The following SAMMSON variants were observed in gnomAD, a reference collection of about 807,000 sequenced individuals.
SAMMSON encodes survival associated mitochondrial melanoma specific oncogenic non-coding RNA, also known as long intergenic non-protein coding RNA 1212.
At chr3:70,411,966 A>G (rs1038462972) in intron 2 of SAMMSON, among the ~76,000 whole-genome samples, 23 of 152,198 alleles carry the variant, frequency 1.5e-4, no homozygotes, top group African/African-American at 5.5e-4. Context: ...GTATATACAC[A>G]TGAAACATGT....
At chr3:70,260,597 A>G (rs2106661021) in intron 6 of SAMMSON, among the ~76,000 whole-genome samples, 1 of 152,030 alleles carries the variant, frequency 6.6e-6, no homozygotes, top group Admixed American at 6.6e-5. Flanking sequence ...TTATTTATTA[A>G]TCTTTCCTTT....
intron 4 of SAMMSON, among the ~76,000 whole-genome samples, chr3:70,166,019 A>G (rs1316014568): frequency 7.9e-5 from 12 of 151,966 alleles, no homozygotes; most frequent in Admixed American, 7.9e-4. Context: ...AGATATGTAG[A>G]CTGAATTAAA....
chr3:70,084,356 A>C (rs1159740739), intron 4 of SAMMSON, among the ~76,000 whole-genome samples: 1 of 152,218 alleles, frequency 6.6e-6, no homozygotes, highest in Non-Finnish European at 1.5e-5. Flanking sequence ...AATTAACACT[A>C]ATTAACAGAG....
At chr3:70,242,463 C>A (rs1701673419) in intron 4 of SAMMSON, among the ~76,000 whole-genome samples, 1 of 152,078 alleles carries the variant, frequency 6.6e-6, no homozygotes, top group Admixed American at 6.6e-5. Flanking sequence ...CCATGACCAT[C>A]CTTTGGGGCA....
At chr3:70,010,466 G>C (rs2066949166) in intron 1 of SAMMSON, among the ~76,000 whole-genome samples, 1 of 152,062 alleles carries the variant, frequency 6.6e-6, no homozygotes, top group African/African-American at 2.4e-5. Context: ...TGCAACCTCT[G>C]CCTGTTTTTG....
chr3:70,085,743 G>A (rs759609158), intron 4 of SAMMSON, among the ~76,000 whole-genome samples: 3 of 152,124 alleles, frequency 2.0e-5, no homozygotes, highest in Non-Finnish European at 4.4e-5. Context: ...ATTATATAGT[G>A]TCAGCTTCTT....
At chr3:70,318,528 C>A (rs1045356819) in intron 7 of SAMMSON, among the ~76,000 whole-genome samples, 3 of 151,616 alleles carry the variant, frequency 2.0e-5, no homozygotes, top group Non-Finnish European at 4.4e-5. Flanking sequence ...ACCTATCTCC[C>A]ATACATGATC....
chr3:70,348,450 G>C (rs1010613811), intron 7 of SAMMSON, among the ~76,000 whole-genome samples: 1 of 152,056 alleles, frequency 6.6e-6, no homozygotes, highest in South Asian at 2.1e-4. Context: ...TTTGCAGATG[G>C]CTGTCTTCAC....
At chr3:70,402,922 CAT>C (rs1190273278) in intron 2 of SAMMSON, among the ~76,000 whole-genome samples, 2 of 151,858 alleles carry the variant, frequency 1.3e-5, no homozygotes, top group Non-Finnish European at 2.9e-5. Context: ...TTATATACCA[CAT>C]ATGTGTGTAT....
chr3:70,423,968 T>G (rs2106775888), intron 2 of SAMMSON, among the ~76,000 whole-genome samples: 1 of 152,326 alleles, frequency 6.6e-6, no homozygotes, highest in Non-Finnish European at 1.5e-5. Flanking sequence ...GCACCTTTGT[T>G]GGTCTATTGT....
chr3:70,240,930 TTCA>T (rs1244615918), intron 4 of SAMMSON, among the ~76,000 whole-genome samples: 1 of 152,218 alleles, frequency 6.6e-6, no homozygotes, highest in African/African-American at 2.4e-5. Flanking sequence ...TAAAAGTTGA[TTCA>T]TCATTTGATA....
chr3:70,073,384 C>G (rs2067237204), intron 4 of SAMMSON, among the ~76,000 whole-genome samples: 1 of 151,914 alleles, frequency 6.6e-6, no homozygotes, highest in Admixed American at 6.6e-5. Flanking sequence ...TATGGAATGC[C>G]CACTATGTGC....
chr3:70,040,955 G>T (rs2067104181), intron 3 of SAMMSON, among the ~76,000 whole-genome samples: 1 of 152,098 alleles, frequency 6.6e-6, no homozygotes, highest in Admixed American at 6.6e-5. Flanking sequence ...CAATAAAAAG[G>T]CTGCTGAATG....
chr3:70,242,200 T>C (rs1296092286), intron 4 of SAMMSON, among the ~76,000 whole-genome samples: 1 of 152,204 alleles, frequency 6.6e-6, no homozygotes, highest in African/African-American at 2.4e-5. Context: ...GGAGTATCTT[T>C]CCAACCTTTT....
At chr3:70,357,237 C>A (rs1284838870) in intron 8 of SAMMSON, among the ~76,000 whole-genome samples, 2 of 151,986 alleles carry the variant, frequency 1.3e-5, no homozygotes, top group Admixed American at 1.3e-4. Context: ...TTCCGTTTTC[C>A]TGATTATGTA....
At chr3:70,269,065 C>G (rs1949690) in intron 6 of SAMMSON, among the ~76,000 whole-genome samples, 65,388 of 151,720 alleles carry the variant, frequency 0.43, 14,917 homozygotes, top group East Asian at 0.58. Flanking sequence ...CTTTATCAAC[C>G]TGTCAAAAGT....
chr3:70,056,365 T>C (rs536687015), intron 3 of SAMMSON, among the ~76,000 whole-genome samples: 4 of 152,152 alleles, frequency 2.6e-5, no homozygotes, highest in South Asian at 2.1e-4. Context: ...ATGAAGAGGA[T>C]GAGTAAGAGG....
chr3:70,104,278 C>G (rs1032803721), intron 4 of SAMMSON, among the ~76,000 whole-genome samples: 4 of 150,292 alleles, frequency 2.7e-5, no homozygotes, highest in African/African-American at 9.8e-5. Context: ...TTTTTTTTTC[C>G]TACGCTGCGA....
intron 4 of SAMMSON, among the ~76,000 whole-genome samples, chr3:70,142,351 C>G (rs1378736068): frequency 6.6e-6 from 1 of 152,132 alleles, no homozygotes; most frequent in Non-Finnish European, 1.5e-5. Flanking sequence ...GAATACTACT[C>G]AGCCATAAAA....
Sources: allele counts gnomAD v4.1 joint callset (sites outside exome capture counted in the v4.1 genomes callset), GRCh38; gene constraint gnomAD v4.1.1; transcripts MANE v1.5; gene names NCBI Gene and HGNC (gene_info 2026-07-23, HGNC 2026-07-21).